Variants in MAF observed in about 807,000 individuals in gnomAD.
MAF encodes MAF bZIP transcription factor, also known as transcription factor Maf.
Under a neutral mutation model 22.0 loss-of-function variants are expected in MAF, and 10 were observed. The ratio of observed to expected loss-of-function variants is 0.45; its 90% CI spans 0.28 to 0.77. The LOEUF is 0.77. Ranked by LOEUF, MAF falls within the 30% of genes least tolerant of loss-of-function variation. MAF has a pLI of 0.12. For synonymous variants in MAF, 337 were observed against 255.8 expected, an observed-to-expected ratio of 1.32 and a Z score of -3.03; for missense variants, 544 against 548.4, an observed-to-expected ratio of 0.99 and a Z score of 0.08.
At chr16:79,465,076 C>T in the MAF span, among the ~76,000 whole-genome samples, 1 of 152,124 alleles carries the variant, frequency 6.6e-6, no homozygotes, top group African/African-American at 2.4e-5. Flanking sequence ...GGGAGAAGGT[C>T]CTGAGCAACC....
At chr16:79,597,310 A>C in intron 1 of MAF, 1 of 1,041,466 alleles carries the variant, frequency 9.6e-7, no homozygotes, top group Non-Finnish European at 1.2e-6. Context: ...ATTAAATTAT[A>C]TACTAGAAAC....
chr16:79,366,088 A>G, the MAF span, among the ~76,000 whole-genome samples: 3 of 152,370 alleles, frequency 2.0e-5, no homozygotes, highest in South Asian at 6.2e-4. Flanking sequence ...TTTATTCAGA[A>G]AAACTAATAT....
chr16:79,535,992 G>A, the MAF span, among the ~76,000 whole-genome samples: 6 of 152,330 alleles, frequency 3.9e-5, no homozygotes, highest in African/African-American at 1.4e-4. Flanking sequence ...ACAGTTGGCA[G>A]TATTTATAGA....
At chr16:79,425,162 A>G in the MAF span, among the ~76,000 whole-genome samples, 5 of 152,320 alleles carry the variant, frequency 3.3e-5, no homozygotes, top group South Asian at 2.1e-4. Context: ...ATAATATTTC[A>G]TATTGCAAAT....
the MAF span, among the ~76,000 whole-genome samples, chr16:79,309,092 G>A: frequency 6.6e-6 from 1 of 152,140 alleles, no homozygotes; most frequent in African/African-American, 2.4e-5. Flanking sequence ...GAGGTGGAAG[G>A]GAACAAAAGG....
chr16:79,326,762 A>C, the MAF span, among the ~76,000 whole-genome samples: 2 of 152,306 alleles, frequency 1.3e-5, 1 homozygote, highest in Admixed American at 1.3e-4. Context: ...TGAAGGCTGC[A>C]TTTGGCATGC....
the MAF span, among the ~76,000 whole-genome samples, chr16:79,398,675 C>G: frequency 8.7e-5 from 13 of 148,916 alleles, no homozygotes; most frequent in Non-Finnish European, 1.6e-4. Context: ...ACACAAGGCT[C>G]TCTGAGGTCC....
the MAF span, among the ~76,000 whole-genome samples, chr16:79,465,541 G>A: frequency 0.53 from 80,764 of 152,114 alleles, 24,515 homozygotes; most frequent in East Asian, 0.7. Context: ...GCAGTGAGCC[G>A]TGATCCCGTG....
At chr16:79,300,986 G>A in the MAF span, among the ~76,000 whole-genome samples, 1 of 152,006 alleles carries the variant, frequency 6.6e-6, no homozygotes, top group Admixed American at 6.6e-5. Context: ...AGAAGGGGGA[G>A]GAGACGGGAA....
the MAF span, among the ~76,000 whole-genome samples, chr16:79,445,227 T>C: frequency 6.8e-6 from 1 of 147,364 alleles, no homozygotes; most frequent in Non-Finnish European, 1.5e-5. Flanking sequence ...TTTTTTTTAG[T>C]AGAGATGGGG....
chr16:79,503,913 T>A, the MAF span, among the ~76,000 whole-genome samples: 1 of 152,226 alleles, frequency 6.6e-6, no homozygotes, highest in Non-Finnish European at 1.5e-5. Flanking sequence ...AAACCACTTA[T>A]AAAATTAGGC....
the MAF span, among the ~76,000 whole-genome samples, chr16:79,359,989 T>C: frequency 1.3e-5 from 2 of 152,138 alleles, no homozygotes; most frequent in African/African-American, 4.8e-5. Flanking sequence ...GGGAGTATTG[T>C]TCTGAGTAGG....
At chr16:79,479,009 C>A in the MAF span, among the ~76,000 whole-genome samples, 155 of 152,090 alleles carry the variant, frequency 1.0e-3, no homozygotes, top group Non-Finnish European at 1.9e-3. Context: ...TCCTAGTGCA[C>A]CTGTGCACCA....
the MAF span, among the ~76,000 whole-genome samples, chr16:79,447,593 C>T: frequency 0.033 from 5,019 of 152,132 alleles, 287 homozygotes; most frequent in African/African-American, 0.12. Flanking sequence ...AAATTGAAAA[C>T]CTTCTGGAAA....
downstream of MAF, among the ~76,000 whole-genome samples, chr16:79,591,924 T>G (rs1913211796): frequency 6.6e-6 from 1 of 152,178 alleles, no homozygotes; most frequent in South Asian, 2.1e-4. Flanking sequence ...CCATTTGGGT[T>G]TAGTCCCCAA....
chr16:79,214,493 C>T, the MAF span, among the ~76,000 whole-genome samples: 1 of 152,034 alleles, frequency 6.6e-6, no homozygotes, highest in East Asian at 1.9e-4. Context: ...GCAACCTCCA[C>T]CTCCCAGGTT....
At chr16:79,211,034 A>AGGGTGTGTGTGT in the MAF span, among the ~76,000 whole-genome samples, 1 of 149,602 alleles carries the variant, frequency 6.7e-6, no homozygotes. Flanking sequence ...TATGGTGAGG[A>AGGGTGTGTGTGT]GTGTGTGTGT....
the MAF span, among the ~76,000 whole-genome samples, chr16:79,536,968 T>C: frequency 1.3e-5 from 2 of 152,144 alleles, no homozygotes; most frequent in African/African-American, 4.8e-5. Flanking sequence ...CATGATAGTG[T>C]CAGTAGAGAG....
the MAF span, among the ~76,000 whole-genome samples, chr16:79,577,557 CCCATGGAGGTTTTGGGTGACCT>C: frequency 6.6e-6 from 1 of 152,086 alleles, no homozygotes; most frequent in Non-Finnish European, 1.5e-5. Context: ...GTCATCATAG[CCCATGGAGGTTTTGGGTGACCT>C]CCAAAGGGCA....
Sources: gnomAD v4.1 joint callset for allele counts (sites outside exome capture counted in the v4.1 genomes callset) on GRCh38, gnomAD v4.1.1 for gene constraint, MANE v1.5 for transcripts, NCBI Gene and HGNC (gene_info 2026-07-23, HGNC 2026-07-21) for gene names.